Variants in USP30 observed in about 807,000 individuals in gnomAD.
USP30 encodes ubiquitin specific peptidase 30.
In USP30, 41 loss-of-function variants were observed where a neutral mutation model predicts 68.2. The observed-to-expected ratio is 0.60, with a 90% CI of 0.47 to 0.78. The LOEUF (loss-of-function observed/expected upper bound fraction) is 0.78, where lower values mean the gene tolerates loss of function less well. Among genes scored for constraint, USP30 ranks in the 30% least tolerant of loss-of-function variants. The probability of loss-of-function intolerance (pLI) is 0.00; values close to 1 mark genes in which losing one functional copy is unlikely to be tolerated. For missense variants in USP30, 522 were observed against 649.4 expected, an observed-to-expected ratio of 0.80 and a Z score of 2.13; for synonymous variants, 229 against 253.7, an observed-to-expected ratio of 0.90 and a Z score of 0.93.
chr12:109,066,344 A>G (rs2041250368), intron 3 of USP30, among the ~76,000 whole-genome samples: 1 of 152,098 alleles, frequency 6.6e-6, no homozygotes, highest in Admixed American at 6.5e-5. Context: ...TATAATATAA[A>G]TAAGCCCATC....
Position 109,052,685 on chromosome 12 carries a change from A to G in USP30, c.7A>G (p.Ser3Gly). Residue 3 changes from serine to glycine, a missense_variant, in exon 1 of 13, where the codon AGC becomes GGC. Transcript: ENST00000257548. The part of the protein sequence containing the change: ML[S>G]SRAEAAMTAA... ...GGCCTCCGGTGCGGCTGCAATGCTG[A>G]GCTCCCGGGCCGAGGCGGCGATGAC... The G allele has an allele frequency of 6.7e-7, 1 of 1,497,636 alleles. No individual in the cohort carries two copies. The highest frequency in any genetic ancestry group is 1.3e-5 in the South Asian group (1 of 78,768). 92.8% of individuals were successfully genotyped at this position (1,497,636 alleles called of 1,614,324 possible).
At chr12:109,069,990 G>A (rs2041385397) in intron 4 of USP30, among the ~76,000 whole-genome samples, 1 of 151,974 alleles carries the variant, frequency 6.6e-6, no homozygotes, top group South Asian at 2.1e-4. Context: ...GAGGGCGGTG[G>A]AGGAGAGGGG....
chr12:109,082,753 C>A lies in USP30; in HGVS notation c.948+10C>A. The stretch of plus-strand genomic sequence containing the variant: ...GTTAAAACTAGGGAAGGTGAGCCCA[C>A]ACTACACACCCTGTTGGCTTTGTTT... On this transcript the variant is annotated intron_variant, in intron 10 of 12. Transcript: ENST00000257548. 6.2e-7 allele frequency: 1 copy of A among 1,613,288 alleles called. No homozygotes were observed.
intron 7 of USP30, among the ~76,000 whole-genome samples, chr12:109,075,276 T>G (rs1463312102): frequency 6.6e-6 from 1 of 152,242 alleles, no homozygotes; most frequent in Non-Finnish European, 1.5e-5. Flanking sequence ...ACCTTCATAC[T>G]GTTTTCCATT....
intron 11 of USP30, among the ~76,000 whole-genome samples, chr12:109,084,644 GC>G (rs2041896547): frequency 6.6e-6 from 1 of 152,192 alleles, no homozygotes; most frequent in South Asian, 2.1e-4. Flanking sequence ...TAGGTCAAAA[GC>G]CAGTAAATTA....
intron 8 of USP30, chr12:109,081,647 A>C: frequency 1.7e-6 from 1 of 596,916 alleles, no homozygotes; most frequent in Non-Finnish European, 3.0e-6. Flanking sequence ...ACACACACAC[A>C]CACACACACA....
chr12:109,025,819 C>G (rs1566073256), intron 2 of USP30, among the ~76,000 whole-genome samples: 1 of 151,964 alleles, frequency 6.6e-6, no homozygotes, highest in South Asian at 2.1e-4. Flanking sequence ...TCCCGAGTAG[C>G]TAGGACTACA....
chr12:109,066,407 T>G (rs867314575), intron 3 of USP30, among the ~76,000 whole-genome samples: 2 of 152,084 alleles, frequency 1.3e-5, no homozygotes, highest in African/African-American at 4.8e-5. Flanking sequence ...ACCACTCGGG[T>G]GGGTGCAGTG....
chr12:109,072,619 G>A (rs535550170), intron 6 of USP30, among the ~76,000 whole-genome samples: 6 of 152,100 alleles, frequency 3.9e-5, no homozygotes. Context: ...TTGATCCTGG[G>A]AAGAACATAA....
intron 7 of USP30, among the ~76,000 whole-genome samples, chr12:109,075,378 T>C (rs1377141468): frequency 6.6e-6 from 1 of 152,100 alleles, no homozygotes; most frequent in Non-Finnish European, 1.5e-5. Context: ...AGACAGAGTC[T>C]CGCTCTGCTG....
At chr12:109,071,155 T>C (rs559523220) in intron 4 of USP30, among the ~76,000 whole-genome samples, 12 of 152,236 alleles carry the variant, frequency 7.9e-5, no homozygotes, top group South Asian at 6.2e-4. Context: ...TTAACAGATA[T>C]GGAGTTTCAG....
In USP30 at chr12:109,086,892, G is replaced by A. The variant is rs2041959694; in HGVS notation, c.*961G>A. ...GGCTTAGGAAGGAAGGGCTGACTAT[G>A]GGGCTGCAGTCTCTCTGAACCTCAG... On this transcript the variant is annotated 3_prime_UTR_variant, in exon 13 of 13. Coordinates refer to ENST00000257548, the MANE Select transcript of USP30 (RefSeq NM_032663.5). The A allele has an allele frequency of 6.6e-6, 1 of 152,214 alleles. No homozygotes were observed. Among genetic ancestry groups the A allele is most frequent in the African/African-American group, 2.4e-5 (1 of 41,454 alleles). 9.4% of individuals were successfully genotyped at this position (152,214 alleles called of 1,614,324 possible). A position where few individuals can be genotyped will look rare whatever the true frequency, so the allele number is the denominator to read the frequency against.
intron 4 of USP30, among the ~76,000 whole-genome samples, chr12:109,068,139 TG>T (rs2041318330): frequency 6.6e-6 from 1 of 152,206 alleles, no homozygotes; most frequent in Non-Finnish European, 1.5e-5. Context: ...CTGCCTTTTT[TG>T]GAACTTGGCC....
chr12:109,072,333 T>G lies in USP30; in HGVS notation c.608T>G (p.Ile203Ser). The G allele has an allele frequency of 6.2e-7, 1 of 1,613,524 alleles. No homozygotes were observed. Among genetic ancestry groups the G allele is most frequent in the South Asian group, 1.1e-5 (1 of 91,058 alleles). ...CAGTCAGAAATAACTCCCAAACAAA[T>G]TACCTGCCGCACAAGAGGTAGCTGT... ...EQQSEITPKQITCRTRGSPHP... is the reference protein window; with the variant it reads ...EQQSEITPKQSTCRTRGSPHP... Residue 203 changes from isoleucine to serine, a missense_variant, in exon 6 of 13, where the codon ATT becomes AGT. Coordinates refer to ENST00000257548, the MANE Select transcript of USP30 (RefSeq NM_032663.5).
At chr12:109,062,799 C>T (rs936410896) in intron 3 of USP30, among the ~76,000 whole-genome samples, 3 of 152,128 alleles carry the variant, frequency 2.0e-5, no homozygotes, top group Non-Finnish European at 4.4e-5. Context: ...GCAGCAGTCA[C>T]GGCCATCCCT....
At chr12:109,030,071 C>T (rs369885613) in intron 3 of USP30, among the ~76,000 whole-genome samples, 3 of 152,300 alleles carry the variant, frequency 2.0e-5, no homozygotes, top group African/African-American at 7.2e-5. Context: ...TCACCTTCTT[C>T]CTGCAAGTTA....
intron 3 of USP30, among the ~76,000 whole-genome samples, chr12:109,061,322 T>C (rs2041057627): frequency 6.6e-6 from 1 of 151,350 alleles, no homozygotes; most frequent in Admixed American, 6.6e-5. Context: ...GCCAGAGCCA[T>C]CCTTGGGCTG....
At chr12:109,026,723 C>T (rs1390272644) in intron 2 of USP30, among the ~76,000 whole-genome samples, 1 of 152,078 alleles carries the variant, frequency 6.6e-6, no homozygotes, top group Non-Finnish European at 1.5e-5. Context: ...CCACCTCGGC[C>T]TCCCAAAGTG....
In USP30 at chr12:109,081,972, A is replaced by G. The variant is rs373686187; in HGVS notation, c.820A>G (p.Ile274Val). 11 of 1,614,200 alleles carry G rather than the reference A, an allele frequency of 6.8e-6. No individual in the cohort carries two copies. Among genetic ancestry groups the G allele is most frequent in the East Asian group, 2.2e-5 (1 of 44,886 alleles). ...LTLDHCLHHF[I>V]SSESVRDVVC... ...CCTGGACCACTGCCTTCACCACTTC[A>G]TCTCATCAGAATCAGTGCGGGATGT... is the stretch of plus-strand genomic sequence containing the variant. The change falls in exon 9 of 13, where the codon ATC becomes GTC. Residue 274 changes from isoleucine to valine, a missense_variant. By Grantham distance (29) the Ile-to-Val change is conservative. Coordinates refer to ENST00000257548, the MANE Select transcript of USP30 (RefSeq NM_032663.5).
Sources: gnomAD v4.1 joint callset for allele counts (sites outside exome capture counted in the v4.1 genomes callset) on GRCh38, gnomAD v4.1.1 for gene constraint, MANE v1.5 for transcripts, NCBI Gene and HGNC (gene_info 2026-07-23, HGNC 2026-07-21) for gene names.